Variants in SNTG1 observed in about 807,000 individuals in gnomAD.
SNTG1 encodes syntrophin gamma 1.
In SNTG1, 39 loss-of-function variants were observed where a neutral mutation model predicts 74.7. The observed-to-expected ratio is 0.52, with a 90% CI of 0.40 to 0.68. The LOEUF is 0.68. Ranked by LOEUF, SNTG1 falls within the 30% of genes least tolerant of loss-of-function variation. The pLI is 0.00. For missense variants in SNTG1, 685 were observed against 609.5 expected (o/e 1.12, Z -1.30); for synonymous variants, 254 against 217.1 (o/e 1.17, Z -1.49).
At chr8:50,080,611 T>C (rs1822314745) in intron 1 of SNTG1, among the ~76,000 whole-genome samples, 1 of 152,176 alleles carries the variant, frequency 6.6e-6, no homozygotes, top group South Asian at 2.1e-4. Context: ...CTGTATTATT[T>C]TGAGTTATTT....
intron 2 of SNTG1, among the ~76,000 whole-genome samples, chr8:50,328,709 G>A (rs916130907): frequency 6.6e-6 from 1 of 152,150 alleles, no homozygotes; most frequent in Non-Finnish European, 1.5e-5. Flanking sequence ...TATAATGTGA[G>A]GTGAGATTTG....
intron 2 of SNTG1, among the ~76,000 whole-genome samples, chr8:50,214,439 GA>G (rs1352187532): frequency 2.0e-5 from 3 of 151,552 alleles, no homozygotes; most frequent in African/African-American, 7.3e-5. Context: ...AATAAAAAAT[GA>G]AAAAAATCAA....
At chr8:50,574,196 A>C (rs1163109448) in intron 12 of SNTG1, among the ~76,000 whole-genome samples, 32 of 152,090 alleles carry the variant, frequency 2.1e-4, no homozygotes, top group Admixed American at 2.1e-3. Context: ...TCAGGCATAA[A>C]TAGGTTAAAA....
intron 8 of SNTG1, among the ~76,000 whole-genome samples, chr8:50,457,334 T>C (rs957746575): frequency 6.6e-6 from 1 of 152,198 alleles, no homozygotes; most frequent in Non-Finnish European, 1.5e-5. Flanking sequence ...GCATCCACAC[T>C]GGCTCAGCGA....
At chr8:50,433,744 C>T (rs1220685226) in intron 4 of SNTG1, among the ~76,000 whole-genome samples, 2 of 151,944 alleles carry the variant, frequency 1.3e-5, no homozygotes, top group Non-Finnish European at 2.9e-5. Flanking sequence ...GTTTCATGAC[C>T]TGTGCTAAGT....
intron 2 of SNTG1, among the ~76,000 whole-genome samples, chr8:50,194,982 G>A (rs1016803651): frequency 2.6e-5 from 4 of 152,168 alleles, no homozygotes; most frequent in East Asian, 1.9e-4. Context: ...AGAGACAGGC[G>A]GTGGGCAGGG....
intron 2 of SNTG1, among the ~76,000 whole-genome samples, chr8:50,265,429 A>T (rs1003928968): frequency 2.0e-5 from 3 of 152,154 alleles, no homozygotes; most frequent in African/African-American, 4.8e-5. Flanking sequence ...ACACCATTTT[A>T]TAGTGCATAC....
intron 3 of SNTG1, among the ~76,000 whole-genome samples, chr8:50,396,146 T>C (rs886431668): frequency 6.6e-6 from 1 of 152,256 alleles, no homozygotes; most frequent in African/African-American, 2.4e-5. Context: ...GTTATTACCA[T>C]ACTAGCTCTT....
chr8:50,118,386 A>T (rs1161749971), intron 1 of SNTG1, among the ~76,000 whole-genome samples: 1 of 152,260 alleles, frequency 6.6e-6, no homozygotes, highest in Non-Finnish European at 1.5e-5. Context: ...AAAATGAACT[A>T]AGATTTATTA....
At chr8:50,046,377 A>T (rs910588808) in intron 1 of SNTG1, among the ~76,000 whole-genome samples, 44 of 152,268 alleles carry the variant, frequency 2.9e-4, no homozygotes, top group African/African-American at 8.7e-4. Flanking sequence ...CCATTTCTGC[A>T]TATCTACTTG....
chr8:50,637,842 G>T (rs957438188), intron 13 of SNTG1, among the ~76,000 whole-genome samples: 4 of 151,806 alleles, frequency 2.6e-5, no homozygotes, highest in Admixed American at 6.6e-5. Context: ...ATTACTGTAA[G>T]GTACAAGAGT....
intron 18 of SNTG1, among the ~76,000 whole-genome samples, chr8:50,783,393 G>T (rs964576457): frequency 1.3e-5 from 2 of 152,210 alleles, no homozygotes; most frequent in African/African-American, 4.8e-5. Context: ...AAGAAAGCCT[G>T]GGCAATGGCA....
At chr8:50,024,252 C>G (rs926558499) in intron 1 of SNTG1, among the ~76,000 whole-genome samples, 14 of 152,136 alleles carry the variant, frequency 9.2e-5, no homozygotes, top group African/African-American at 3.4e-4. Flanking sequence ...ACACATTGAC[C>G]TGTCCATGAC....
chr8:50,214,580 G>C (rs544324067), intron 2 of SNTG1, among the ~76,000 whole-genome samples: 93 of 152,100 alleles, frequency 6.1e-4, no homozygotes, highest in African/African-American at 2.1e-3. Flanking sequence ...TGGAAAATTG[G>C]GGTCAAGAAA....
chr8:50,349,133 T>G (rs987441822), intron 2 of SNTG1, among the ~76,000 whole-genome samples: 2 of 152,218 alleles, frequency 1.3e-5, no homozygotes, highest in Non-Finnish European at 2.9e-5. Context: ...TACTATATGA[T>G]GAATACATTG....
intron 13 of SNTG1, among the ~76,000 whole-genome samples, chr8:50,610,795 C>A (rs2094844432): frequency 6.6e-6 from 1 of 152,094 alleles, no homozygotes; most frequent in African/African-American, 2.4e-5. Flanking sequence ...ACTGTTCTTA[C>A]CCAAAGTTAT....
intron 2 of SNTG1, among the ~76,000 whole-genome samples, chr8:50,236,704 C>A (rs2085923720): frequency 6.6e-6 from 1 of 152,082 alleles, no homozygotes; most frequent in South Asian, 2.1e-4. Flanking sequence ...CCCGCCTTGG[C>A]CTCCAAAAGT....
At position 50,184,124 on chromosome 8, in the gene SNTG1, G is replaced by A. The variant is rs528289343; in HGVS notation, c.-28+11489G>A. 2.1e-3 allele frequency among the ~76,000 whole-genome samples: 320 copies of A among 151,974 alleles called. 1 individual carries two copies. The highest frequency in any genetic ancestry group is 7.4e-3 in the African/African-American group (306 of 41,458). Reference sequence around the variant, plus strand: ...CAGTTTGTCTCTCTCTGCTTCATTTGTCTATTTCCATTAGAATACAAATAT... The same window carrying A: ...CAGTTTGTCTCTCTCTGCTTCATTTATCTATTTCCATTAGAATACAAATAT... On this transcript the variant is annotated intron_variant, in intron 2 of 18. Coordinates refer to ENST00000642720, the MANE Select transcript of SNTG1 (RefSeq NM_018967.5).
At chr8:50,168,894 G>T (rs985447994) in intron 1 of SNTG1, among the ~76,000 whole-genome samples, 1 of 152,146 alleles carries the variant, frequency 6.6e-6, no homozygotes, top group Non-Finnish European at 1.5e-5. Flanking sequence ...ATTATGAAAA[G>T]CAGGAAACTG....
Sources: gnomAD v4.1 joint callset for allele counts (sites outside exome capture counted in the v4.1 genomes callset) on GRCh38, gnomAD v4.1.1 for gene constraint, MANE v1.5 for transcripts, NCBI Gene and HGNC (gene_info 2026-07-23, HGNC 2026-07-21) for gene names.